The following PCSK5 variants were observed in gnomAD, a reference collection of about 807,000 sequenced individuals.
PCSK5 encodes the protein proprotein convertase subtilisin/kexin type 5.
A neutral mutation model predicts 233.2 loss-of-function variants in PCSK5; 129 were observed. The observed-to-expected ratio is 0.55, with a 90% CI of 0.48 to 0.64. The LOEUF (loss-of-function observed/expected upper bound fraction) is 0.64, where lower values mean the gene tolerates loss of function less well. Ranked by LOEUF, PCSK5 falls within the 30% of genes least tolerant of loss-of-function variation. The pLI is 0.00. For synonymous variants in PCSK5, 825 were observed against 879.2 expected, an observed-to-expected ratio of 0.94 and a Z score of 1.09; for missense variants, 2,076 against 2,430.1, an observed-to-expected ratio of 0.85 and a Z score of 3.06.
Position 75,997,751 on chromosome 9 carries a change from A to T in PCSK5, c.411+11506A>T, listed in dbSNP as rs185143496. Among the ~76,000 whole-genome samples, 616 of 152,328 alleles carry T rather than the reference A, an allele frequency of 4.0e-3. 4 individuals are homozygous for T. Among genetic ancestry groups the T allele is most frequent in the African/African-American group, 0.014 (565 of 41,574 alleles). On this transcript the variant is annotated intron_variant, in intron 3 of 37. Coordinates refer to ENST00000674117, the MANE Select transcript of PCSK5 (RefSeq NM_001372043.1). ...TCACCACTTATTGTTTCCATGATTA[A>T]AAAGAGGAAAAACCTGATGAGAAAC...
chr9:76,359,171 C>A lies in PCSK5; in HGVS notation c.*249C>A. 4.1e-6 allele frequency: 2 copies of A among 489,316 alleles called. No homozygotes were observed. Among genetic ancestry groups the A allele is most frequent in the African/African-American group, 1.9e-5 (1 of 52,362 alleles). 30.3% of individuals were successfully genotyped at this position (489,316 alleles called of 1,614,324 possible). ...GGATAAAATTCAGAGGCATTTTCCT[C>A]AAAATAATGTGTTAAGACACAAAAA... is the stretch of plus-strand genomic sequence containing the variant. On this transcript the variant is annotated 3_prime_UTR_variant, in exon 38 of 38. Transcript: ENST00000674117.
At chr9:75,941,337 A>G (rs955099732) in intron 2 of PCSK5, among the ~76,000 whole-genome samples, 1 of 152,106 alleles carries the variant, frequency 6.6e-6, no homozygotes, top group Non-Finnish European at 1.5e-5. Flanking sequence ...GTGTTTCTGC[A>G]CAATGAGGGT....
At chr9:76,225,234 A>T (rs1444881894) in intron 20 of PCSK5, among the ~76,000 whole-genome samples, 1 of 152,196 alleles carries the variant, frequency 6.6e-6, no homozygotes, top group Admixed American at 6.5e-5. Flanking sequence ...AATCTTTGAG[A>T]ACCCACGAGT....
At chr9:76,151,664 C>T (rs1220900957) in intron 10 of PCSK5, among the ~76,000 whole-genome samples, 1 of 152,178 alleles carries the variant, frequency 6.6e-6, no homozygotes, top group Non-Finnish European at 1.5e-5. Context: ...GATCACTTTC[C>T]CCTCAGGTTA....
chr9:76,289,218 C>T (rs1399002829), intron 24 of PCSK5, among the ~76,000 whole-genome samples: 1 of 152,074 alleles, frequency 6.6e-6, no homozygotes, highest in Non-Finnish European at 1.5e-5. Flanking sequence ...CATCTGCTCG[C>T]ATGTTCTCCT....
chr9:76,354,643 G>A (rs1279497107), intron 37 of PCSK5, among the ~76,000 whole-genome samples: 1 of 152,136 alleles, frequency 6.6e-6, no homozygotes, highest in East Asian at 1.9e-4. Context: ...TGGGCGTGGT[G>A]GTGCATACCT....
intron 2 of PCSK5, among the ~76,000 whole-genome samples, chr9:75,955,221 C>T (rs1825041932): frequency 6.6e-6 from 1 of 152,108 alleles, no homozygotes. Flanking sequence ...CCAAATAATG[C>T]TGTTTTCACT....
intron 10 of PCSK5, among the ~76,000 whole-genome samples, chr9:76,152,252 G>A (rs1823706221): frequency 6.6e-6 from 1 of 152,088 alleles, no homozygotes; most frequent in Non-Finnish European, 1.5e-5. Flanking sequence ...GAATTCCCAG[G>A]GCACAAGCAT....
intron 27 of PCSK5, among the ~76,000 whole-genome samples, chr9:76,297,809 G>C (rs1475271799): frequency 6.6e-6 from 1 of 152,148 alleles, no homozygotes; most frequent in Non-Finnish European, 1.5e-5. Context: ...GCTCGAGGGA[G>C]TGACAGCTCT....
intron 24 of PCSK5, among the ~76,000 whole-genome samples, chr9:76,273,564 A>ATATATATATATAT (rs1564148799): frequency 4.0e-5 from 3 of 74,860 alleles, no homozygotes; most frequent in Admixed American, 1.8e-4. Flanking sequence ...ACAAAATAGT[A>ATATATATATATAT]ATATATATAT....
At chr9:76,233,337 C>A in intron 21 of PCSK5, 123 bp from the exon 22 acceptor site, 1 of 904,730 alleles carries the variant, frequency 1.1e-6, no homozygotes, top group Non-Finnish European at 1.7e-6. Flanking sequence ...CCCAGGCATC[C>A]CCCTTGTTTC....
intron 23 of PCSK5, among the ~76,000 whole-genome samples, 188 bp from the exon 24 acceptor site, chr9:76,240,428 A>G (rs147271125): frequency 6.6e-6 from 1 of 152,228 alleles, no homozygotes; most frequent in African/African-American, 2.4e-5. Context: ...AAGCTGATTC[A>G]ATCTATTCAA....
chr9:75,966,018 G>T (rs753263480), intron 2 of PCSK5, among the ~76,000 whole-genome samples: 4 of 152,146 alleles, frequency 2.6e-5, no homozygotes, highest in Non-Finnish European at 4.4e-5. Context: ...TAGATGAAAG[G>T]TGTCATAAGG....
At chr9:76,112,608 A>G (rs6560498) in intron 9 of PCSK5, among the ~76,000 whole-genome samples, 66,583 of 151,836 alleles carry the variant, frequency 0.44, 14,938 homozygotes, top group South Asian at 0.55. Flanking sequence ...AGTAAGGATT[A>G]TATCTTATCT....
intron 20 of PCSK5, among the ~76,000 whole-genome samples, chr9:76,200,718 G>A (rs1824879972): frequency 6.6e-6 from 1 of 152,200 alleles, no homozygotes; most frequent in Non-Finnish European, 1.5e-5. Flanking sequence ...AAGGCACAAA[G>A]CCATTGAAAG....
chr9:76,030,861 ATT>A lies in PCSK5; in HGVS notation c.632+3825_632+3826del, dbSNP rs551491524. 1.2e-3 allele frequency among the ~76,000 whole-genome samples: 180 copies of A among 152,056 alleles called. 1 individual carries two copies. In the South Asian group the frequency reaches 0.016, roughly 14 times the overall value. On this transcript the variant is annotated intron_variant, in intron 5 of 37. Coordinates refer to ENST00000674117, the MANE Select transcript of PCSK5 (RefSeq NM_001372043.1). ...CATGACAGTCGTGCTCATCTGGGGT[ATT>A]CTAGGGTGTCCTGCTTTGACCCATC... is the stretch of plus-strand genomic sequence containing the variant.
intron 32 of PCSK5, among the ~76,000 whole-genome samples, chr9:76,324,649 C>A (rs1178187427): frequency 6.6e-6 from 1 of 152,138 alleles, no homozygotes; most frequent in Non-Finnish European, 1.5e-5. Flanking sequence ...AAAGGATCTG[C>A]TATTATTTAT....
At chr9:75,906,402 T>G (rs1826266720) in intron 1 of PCSK5, among the ~76,000 whole-genome samples, 1 of 152,076 alleles carries the variant, frequency 6.6e-6, no homozygotes, top group Non-Finnish European at 1.5e-5. Context: ...ATTTTTTGTA[T>G]TTTTAGTAGA....
chr9:76,095,023 AATTAT>A (rs1034969822), intron 7 of PCSK5, among the ~76,000 whole-genome samples: 1 of 152,236 alleles, frequency 6.6e-6, no homozygotes, highest in Admixed American at 6.5e-5. Flanking sequence ...TGTTTGGAAA[AATTAT>A]ATTAGACTGT....
Sources: allele counts gnomAD v4.1 joint callset (sites outside exome capture counted in the v4.1 genomes callset), GRCh38; gene constraint gnomAD v4.1.1; transcripts MANE v1.5; gene names NCBI Gene and HGNC (gene_info 2026-07-23, HGNC 2026-07-21).